The following APEH variants were observed in gnomAD, a reference collection of about 807,000 sequenced individuals.
APEH encodes the protein acylaminoacyl-peptide hydrolase.
In APEH, 75 loss-of-function variants were observed where a neutral mutation model predicts 102.7. The ratio of observed to expected loss-of-function variants is 0.73; its 90% CI spans 0.61 to 0.89. APEH has a LOEUF of 0.89. Among genes scored for constraint, APEH ranks in the 40% least tolerant of loss-of-function variants. APEH has a pLI of 0.00. For missense variants in APEH, 863 were observed against 941.2 expected (o/e 0.92, Z 1.09); for synonymous variants, 344 against 362.7 (o/e 0.95, Z 0.59).
Position 49,676,709 on chromosome 3 carries a change from G to A in APEH, c.836+9G>A. 6.2e-7 allele frequency: 1 copy of A among 1,614,284 alleles called. No individual in the cohort carries two copies. Among genetic ancestry groups the A allele is most frequent in the Non-Finnish European group, 8.5e-7 (1 of 1,180,050 alleles). On this transcript the variant is annotated intron_variant, in intron 8 of 21. Transcript: ENST00000296456. ...TTTTGCACCAATCGCAGGTGAGGGA[G>A]TGGGGCAAGGCAAGGGGCCTTGCAG...
intron 2 of APEH, among the ~76,000 whole-genome samples, 193 bp from the exon 3 acceptor site, chr3:49,674,990 C>T (rs1377268922): frequency 6.6e-6 from 1 of 152,160 alleles, no homozygotes; most frequent in East Asian, 1.9e-4. Flanking sequence ...AAGAGGCTGT[C>T]AGCTCAGGCT....
rs998731576 is a variant in APEH, at chr3:49,679,383, G to A, written c.1159-210G>A. Among the ~76,000 whole-genome samples the A allele has an allele frequency of 1.6e-4, 25 of 152,172 alleles. 1 individual carries two copies. Among genetic ancestry groups the A allele is most frequent in the African/African-American group, 2.4e-5 (1 of 41,430 alleles). ...TCAAAGCCATTCCTTACCTTGCCCA[G>A]GGTCACCCAGCAAGTTGTGATGGTG... On this transcript the variant is annotated intron_variant, in intron 12 of 21. Transcript: ENST00000296456. The surrounding 1 kb of genome is among the most constrained non-coding windows in gnomAD (Gnocchi z 4.3).
At chr3:49,675,512 C>A in intron 3 of APEH, 182 bp from the exon 4 acceptor site, 1 of 973,750 alleles carries the variant, frequency 1.0e-6, no homozygotes, top group South Asian at 1.6e-5. Flanking sequence ...CCATGGTGGC[C>A]TGGGGAGTTG....
upstream of APEH, chr3:49,674,088 G>A: frequency 4.4e-6 from 2 of 458,014 alleles, no homozygotes; most frequent in Middle Eastern, 5.7e-4. Context: ...CCTCTCCTCC[G>A]AGATCCAACG....
rs1243314967 is a variant in APEH at position 49,674,578 on chromosome 3, G to A, written c.102G>A (p.Glu34=). The A allele has an allele frequency of 6.3e-7, 1 of 1,576,870 alleles. No homozygotes were observed. Among genetic ancestry groups the A allele is most frequent in the Admixed American group, 1.8e-5 (1 of 55,302 alleles). Residue 34 remains glutamate, a synonymous_variant, in exon 2 of 22, where the codon GAG becomes GAA. Transcript: ENST00000296456. The part of the protein sequence containing the change: ...PALSAACLGP[E]VTTQYGGQYR... ...TGAGCGCCGCCTGCCTGGGCCCGGA[G>A]GTCACCACGCAGTACGGCGGCCAAT...
At chr3:49,680,401 T>C (rs1211514188) in intron 13 of APEH, 140 bp from the exon 14 acceptor site, 9 of 691,288 alleles carry the variant, frequency 1.3e-5, no homozygotes, top group African/African-American at 1.1e-4. Flanking sequence ...CCATGTGCAG[T>C]TGGGTGTTTG....
Position 49,676,050 on chromosome 3 carries a change from A to T in APEH, c.443-6A>T. ...GCCCCCCCTGATTGGCCCTCCCTGC[A>T]CCCAGACTGCTTTGGCTGCCTGTCC... is the stretch of plus-strand genomic sequence containing the variant. On this transcript the variant is annotated splice_region_variant and splice_polypyrimidine_tract_variant and intron_variant, in intron 5 of 21. Coordinates refer to ENST00000296456, the MANE Select transcript of APEH (RefSeq NM_001640.4). 6.2e-7 allele frequency: 1 copy of T among 1,614,150 alleles called. No homozygotes were observed. The highest frequency in any genetic ancestry group is 8.5e-7 in the Non-Finnish European group (1 of 1,180,010).
chr3:49,675,618 TA>T (rs2052997329), intron 3 of APEH, 75 bp from the exon 4 acceptor site: 1 of 1,402,908 alleles, frequency 7.1e-7, no homozygotes, highest in South Asian at 1.2e-5. Context: ...GAATCTCTCC[TA>T]AGAGGTGTGC....
At position 49,674,399 on chromosome 3, in the gene APEH, A is replaced by T. The variant is rs755068908; in HGVS notation, c.-3A>T. 28 of 1,576,060 alleles carry T rather than the reference A, an allele frequency of 1.8e-5. No individual in the cohort carries two copies. The highest frequency in any genetic ancestry group is 2.4e-5 in the Non-Finnish European group (28 of 1,167,496). On this transcript the variant is annotated 5_prime_UTR_variant, in exon 1 of 22. Transcript: ENST00000296456. The stretch of plus-strand genomic sequence containing the variant: ...GCCTCGCCCCGGCGGCAGAGAGGAG[A>T]CTATGGAACGTCAGGTGAGGGCTCG...
Position 49,678,853 on chromosome 3 carries a change from G to T in APEH, c.1062G>T (p.Glu354Asp), listed in dbSNP as rs779678983. ...VVDVVPRQLGENFSGIYCSLL... is the reference protein window; with the variant it reads ...VVDVVPRQLGDNFSGIYCSLL... ...GCCTCAGCCCTCCTATCTTTACAGA[G>T]AACTTCTCTGGGATCTACTGCAGCC... The change falls in exon 12 of 22, where the codon GAG (glutamate) becomes GAT (aspartate). Residue 354 changes from glutamate to aspartate, a missense_variant and splice_region_variant. Coordinates refer to ENST00000296456, the MANE Select transcript of APEH (RefSeq NM_001640.4). 165 of 1,612,346 alleles carry T rather than the reference G, an allele frequency of 1.0e-4. No homozygotes were observed. Among genetic ancestry groups the T allele is most frequent in the Non-Finnish European group, 1.3e-4 (149 of 1,178,778 alleles).
At chr3:49,677,767 G>A in intron 11 of APEH, 134 bp downstream of exon 11, 3 of 870,282 alleles carry the variant, frequency 3.4e-6, no homozygotes, top group Admixed American at 1.8e-5. Context: ...CCAGCCTTAT[G>A]CCCAGCATCC....
chr3:49,683,461 A>T lies in APEH; in HGVS notation c.*119A>T, dbSNP rs2053450701. The stretch of plus-strand genomic sequence containing the variant: ...CTCTGGACTCCACGGATGCGTGGGC[A>T]GAGGAATGTGGGCTATGTAGTCATA... On this transcript the variant is annotated 3_prime_UTR_variant, in exon 22 of 22. Coordinates refer to ENST00000296456, the MANE Select transcript of APEH (RefSeq NM_001640.4). The T allele has an allele frequency of 3.6e-6, 3 of 834,462 alleles. No homozygotes were observed. In the Admixed American group the frequency reaches 6.0e-5, roughly 17 times the overall value. 51.7% of individuals were successfully genotyped at this position (834,462 alleles called of 1,614,324 possible). A position where few individuals can be genotyped will look rare whatever the true frequency, so the allele number is the denominator to read the frequency against.
chr3:49,682,776 C>A, intron 19 of APEH, 40 bp downstream of exon 19: 1 of 1,613,550 alleles, frequency 6.2e-7, no homozygotes. Context: ...CCCTCCTCTA[C>A]CTCAAATTCT....
Position 49,683,561 on chromosome 3 carries a change from G to T in APEH, c.*219G>T, listed in dbSNP as rs1034222491. ...ATCCCCAACCCCACCTCCCACTCTGGGGTGCAGAGACCCTAGGTTCTGGGT... is the reference window on the plus strand; with the variant it reads ...ATCCCCAACCCCACCTCCCACTCTGTGGTGCAGAGACCCTAGGTTCTGGGT... On this transcript the variant is annotated 3_prime_UTR_variant, in exon 22 of 22. Coordinates refer to ENST00000296456, the MANE Select transcript of APEH (RefSeq NM_001640.4). The T allele has an allele frequency of 1.1e-5, 6 of 550,960 alleles. No homozygotes were observed. Among genetic ancestry groups the T allele is most frequent in the Non-Finnish European group, 1.3e-5 (4 of 307,018 alleles). 34.1% of individuals were successfully genotyped at this position (550,960 alleles called of 1,614,324 possible). A position where few individuals can be genotyped will look rare whatever the true frequency, so the allele number is the denominator to read the frequency against.
chr3:49,679,890 G>A lies in APEH; in HGVS notation c.1210+246G>A. On this transcript the variant is annotated intron_variant, in intron 13 of 21. Coordinates refer to ENST00000296456, the MANE Select transcript of APEH (RefSeq NM_001640.4). The surrounding 1 kb of genome is among the most constrained non-coding windows in gnomAD (Gnocchi z 4.3). ...CACTCAACTCTGTTCCATGTGTCCT[G>A]GCCCAGCCTCAGCACGGCCCCCACC... 1 of 452,964 alleles carries A rather than the reference G, an allele frequency of 2.2e-6. No homozygotes were observed. The highest frequency in any genetic ancestry group is 2.4e-5 in the South Asian group (1 of 41,590). 28.1% of individuals were successfully genotyped at this position (452,964 alleles called of 1,614,324 possible).
Position 49,676,135 on chromosome 3 carries a change from G to T in APEH, c.522G>T (p.Glu174Asp). 6.2e-7 allele frequency: 1 copy of T among 1,614,214 alleles called. No individual in the cohort carries two copies. ...YVAEKKRPKA[E>D]SFFQTKALDV... ...CAGAGAAGAAGCGCCCCAAGGCCGA[G>T]TCCTTCTTTCAGACCAAAGCCTTGG... Residue 174 changes from glutamate to aspartate, a missense_variant, in exon 6 of 22, where the codon GAG becomes GAT. Coordinates refer to ENST00000296456, the MANE Select transcript of APEH (RefSeq NM_001640.4).
At position 49,676,117 on chromosome 3, in the gene APEH, G is replaced by T; in HGVS notation, c.504G>T (p.Lys168Asn). 1 of 1,614,242 alleles carries T rather than the reference G, an allele frequency of 6.2e-7. No individual in the cohort carries two copies. The highest frequency in any genetic ancestry group is 8.5e-7 in the Non-Finnish European group (1 of 1,180,034). ...CACACTTGTTGTATGTGGCAGAGAA[G>T]AAGCGCCCCAAGGCCGAGTCCTTCT... ...SETHLLYVAE[K>N]KRPKAESFFQ... The change falls in exon 6 of 22, where the codon AAG (lysine) becomes AAT (asparagine). Residue 168 changes from lysine (K) to asparagine (N), a missense_variant. By Grantham distance (94) the Lys-to-Asn change is moderately conservative (BLOSUM62 0). Coordinates refer to ENST00000296456, the MANE Select transcript of APEH (RefSeq NM_001640.4).
Position 49,683,336 on chromosome 3 carries a change from C to A in APEH, c.2193C>A (p.Gly731=). 1.2e-6 allele frequency: 2 copies of A among 1,611,168 alleles called. No individual in the cohort carries two copies. The highest frequency in any genetic ancestry group is 1.7e-6 in the Non-Finnish European group (2 of 1,177,616). The change falls in exon 22 of 22, where the codon GGC becomes GGA. Residue 731 remains glycine (G), a synonymous_variant. Coordinates refer to ENST00000296456, the MANE Select transcript of APEH (RefSeq NM_001640.4). The part of the protein sequence containing the change: ...NAVLWLRTHL[G]S ...TGCTCTGGCTACGCACACACTTGGG[C>A]AGCTGAAGCCCTGCCATTCTGCATG...
chr3:49,677,713 C>A, intron 11 of APEH, 80 bp downstream of exon 11: 1 of 1,384,720 alleles, frequency 7.2e-7, no homozygotes, highest in Non-Finnish European at 1.0e-6. Context: ...CTGCCCCGTT[C>A]TTCTTTCCTA....
Sources: gnomAD v4.1 joint callset for allele counts (sites outside exome capture counted in the v4.1 genomes callset) on GRCh38, gnomAD v4.1.1 for gene constraint, Gnocchi (gnomAD v3.1) non-coding constraint, MANE v1.5 for transcripts, NCBI Gene and HGNC (gene_info 2026-07-23, HGNC 2026-07-21) for gene names.